The following TARS1 variants were observed in gnomAD, a reference collection of about 807,000 sequenced individuals.
TARS1 encodes the protein threonyl-tRNA synthetase 1.
TARS1 carries 57 observed loss-of-function variants against 97.7 expected under a neutral mutation model. The ratio of observed to expected loss-of-function variants is 0.58; its 90% CI spans 0.47 to 0.73. The LOEUF is 0.73. TARS1 is among the 30% of genes least tolerant of loss of function. The pLI, the probability that TARS1 is intolerant of heterozygous loss-of-function variation, is 0.00. For synonymous variants in TARS1, 312 were observed against 293.7 expected (o/e 1.06, Z -0.64); for missense variants, 806 against 888.3 (o/e 0.91, Z 1.18).
intron 3 of TARS1, among the ~76,000 whole-genome samples, chr5:33,451,451 T>A (rs1455162399): frequency 6.6e-6 from 1 of 151,548 alleles, no homozygotes; most frequent in East Asian, 2.0e-4. Flanking sequence ...CTTGGCTCAC[T>A]GCAAGCTCCG....
At chr5:33,466,136 C>T (rs1742518685) in intron 17 of TARS1, 1 of 152,182 alleles carries the variant, frequency 6.6e-6, no homozygotes, top group African/African-American at 2.4e-5. Context: ...GGTACTGTCT[C>T]TATGGCAGAG....
At chr5:33,460,281 G>C (rs1372877494) in intron 11 of TARS1, among the ~76,000 whole-genome samples, 1 of 152,176 alleles carries the variant, frequency 6.6e-6, no homozygotes, top group African/African-American at 2.4e-5. Context: ...CAGATCTCCA[G>C]ATCTGTGGGC....
At chr5:33,455,852 A>AT in intron 6 of TARS1, 148 bp downstream of exon 6, 2 of 992,116 alleles carry the variant, frequency 2.0e-6, no homozygotes, top group South Asian at 1.7e-5. Flanking sequence ...TTTTAATTTC[A>AT]TTTTTTTCCT....
intron 4 of TARS1, among the ~76,000 whole-genome samples, chr5:33,453,631 C>T (rs1006492823): frequency 6.6e-5 from 10 of 151,774 alleles, no homozygotes; most frequent in African/African-American, 2.2e-4. Context: ...TTACTAGACA[C>T]TTCAATAGGG....
chr5:33,465,157 G>A (rs772876984), intron 17 of TARS1, among the ~76,000 whole-genome samples: 4 of 152,184 alleles, frequency 2.6e-5, no homozygotes, highest in Non-Finnish European at 5.9e-5. Context: ...GACTATTCCT[G>A]TTACTGCACT....
chr5:33,455,825 A>T, intron 6 of TARS1, 121 bp downstream of exon 6: 2 of 996,710 alleles, frequency 2.0e-6, no homozygotes, highest in Non-Finnish European at 3.0e-6. Flanking sequence ...AGCAAAAATT[A>T]AGTGTTTTTA....
chr5:33,455,539 T>G, intron 5 of TARS1, 48 bp from the exon 6 acceptor site: 2 of 1,245,304 alleles, frequency 1.6e-6, no homozygotes, highest in Non-Finnish European at 2.3e-6. Context: ...TTCGAAGCCA[T>G]GGTGTGATTC....
At chr5:33,448,961 G>T (rs1741566455) in intron 3 of TARS1, among the ~76,000 whole-genome samples, 1 of 152,020 alleles carries the variant, frequency 6.6e-6, no homozygotes, top group Non-Finnish European at 1.5e-5. Context: ...ATCTTTTGGG[G>T]CATTGTATAT....
rs201383132 is a variant in TARS1 at position 33,441,191 on chromosome 5, G to A, written c.57+48G>A. ...AGAGACCAGCCTGGGACTCTAGTGG[G>A]TGCAGACGCTACGCTCGCGGCGGGA... On this transcript the variant is annotated intron_variant, in intron 1 of 18. Coordinates refer to ENST00000265112, the MANE Select transcript of TARS1 (RefSeq NM_152295.5). 23 of 1,608,258 alleles carry A rather than the reference G, an allele frequency of 1.4e-5. 1 individual carries two copies. The East Asian group carries it at 5.1e-4, about 36-fold the overall frequency.
chr5:33,441,241 G>T (rs1460379592), intron 1 of TARS1, 98 bp downstream of exon 1: 1 of 1,473,548 alleles, frequency 6.8e-7, no homozygotes, highest in African/African-American at 1.4e-5. Flanking sequence ...GCAGGAAGCG[G>T]CCGGGACCGC....
At position 33,449,517 on chromosome 5, in the gene TARS1, G is replaced by A. The variant is rs1316567124; in HGVS notation, c.329+786G>A. 1.0e-4 allele frequency among the ~76,000 whole-genome samples: 14 copies of A among 136,776 alleles called. 1 individual carries two copies. Among genetic ancestry groups the A allele is most frequent in the Admixed American group, 3.9e-4 (5 of 12,824 alleles). 89.7% of individuals were successfully genotyped at this position (136,776 alleles called of 152,430 possible). ...GCCCAGGAGGCTAGAGTGCAGTGGC[G>A]CGATCTTGGCTCACTGCAAGCTCCA... is the stretch of plus-strand genomic sequence containing the variant. On this transcript the variant is annotated intron_variant, in intron 3 of 18. Transcript: ENST00000265112.
chr5:33,459,809 G>C lies in TARS1; in HGVS notation c.1198G>C (p.Glu400Gln), dbSNP rs1345178540. The C allele has an allele frequency of 1.6e-5, 26 of 1,614,184 alleles. No individual in the cohort carries two copies. Among genetic ancestry groups the C allele is most frequent in the Non-Finnish European group, 2.0e-5 (24 of 1,180,022 alleles). ...CTACAGCGAGAACATGTTCTCCTTT[G>C]AGGTGGAGAAGGAGCTGTTTGCCCT... ...QHYSENMFSFEVEKELFALKP... is the reference protein window; with the variant it reads ...QHYSENMFSFQVEKELFALKP... Residue 400 changes from glutamate (E) to glutamine (Q), a missense_variant, in exon 11 of 19, where the codon GAG becomes CAG. By Grantham distance (29) the Glu-to-Gln change is conservative. Coordinates refer to ENST00000265112, the MANE Select transcript of TARS1 (RefSeq NM_152295.5).
At chr5:33,451,373 CT>C (rs202149660) in intron 3 of TARS1, among the ~76,000 whole-genome samples, 37,788 of 138,676 alleles carry the variant, frequency 0.27, 5,493 homozygotes, top group African/African-American at 0.47. Context: ...TGTTATAAAT[CT>C]TTTTTTTTTT....
chr5:33,452,413 A>T (rs548750314), intron 3 of TARS1: 4 of 1,535,162 alleles, frequency 2.6e-6, no homozygotes, highest in Non-Finnish European at 3.5e-6. Context: ...CCTCATCTGG[A>T]ATGCCATGGC....
chr5:33,456,989 G>A (rs966751542), intron 8 of TARS1, among the ~76,000 whole-genome samples: 13 of 152,086 alleles, frequency 8.5e-5, no homozygotes, highest in Admixed American at 8.5e-4. Flanking sequence ...ATAAAGAATG[G>A]GGTCTCCCTG....
chr5:33,464,269 CA>C (rs1242525103), intron 17 of TARS1, among the ~76,000 whole-genome samples: 3 of 152,152 alleles, frequency 2.0e-5, no homozygotes, highest in Admixed American at 6.5e-5. Context: ...TAGCAGATAT[CA>C]GGTACTTCAG....
rs776833710 is a variant in TARS1 at position 33,461,314 on chromosome 5, C to T, written c.1551+19C>T. The stretch of plus-strand genomic sequence containing the variant: ...TGAGAAAGTAAGTGGTGTTTTTCAG[C>T]GTGCTTTTGAATACTGTTTGAAATT... On this transcript the variant is annotated intron_variant, in intron 13 of 18. Coordinates refer to ENST00000265112, the MANE Select transcript of TARS1 (RefSeq NM_152295.5). The T allele has an allele frequency of 6.2e-6, 10 of 1,605,640 alleles. No homozygotes were observed. The highest frequency in any genetic ancestry group is 3.4e-5 in the South Asian group (3 of 89,540).
At chr5:33,447,846 C>G (rs1320154600) in intron 2 of TARS1, among the ~76,000 whole-genome samples, 1 of 152,214 alleles carries the variant, frequency 6.6e-6, no homozygotes, top group Non-Finnish European at 1.5e-5. Flanking sequence ...ACCACAGATT[C>G]ACTGCCTTTT....
rs1384318940 is a variant in TARS1, at chr5:33,448,539, A to G, written c.139-2A>G. ...TTTCCTGATTTGTTTGTTGTCTTGC[A>G]GTTGAATCCTTGGCCTGAATATATT... On this transcript the variant is annotated splice_acceptor_variant, in intron 2 of 18. Transcript: ENST00000265112. LOFTEE classifies it high-confidence loss of function. 1.3e-6 allele frequency: 2 copies of G among 1,563,588 alleles called. No individual in the cohort carries two copies. The highest frequency in any genetic ancestry group is 1.7e-6 in the Non-Finnish European group (2 of 1,153,726).
Sources: allele counts gnomAD v4.1 joint callset (sites outside exome capture counted in the v4.1 genomes callset), GRCh38; gene constraint gnomAD v4.1.1; transcripts MANE v1.5; gene names NCBI Gene and HGNC (gene_info 2026-07-23, HGNC 2026-07-21).